The following MMS19 variants were observed in gnomAD, a reference collection of about 807,000 sequenced individuals.
MMS19 encodes the protein MMS19 cytosolic iron-sulfur assembly component.
A neutral mutation model predicts 129.8 loss-of-function variants in MMS19; 77 were observed. The ratio of observed to expected loss-of-function variants is 0.59; its 90% CI spans 0.49 to 0.72. The LOEUF is 0.72. Ranked by LOEUF, MMS19 falls within the 30% of genes least tolerant of loss-of-function variation. The probability of loss-of-function intolerance (pLI) is 0.00; values close to 1 mark genes in which losing one functional copy is unlikely to be tolerated. For missense variants in MMS19, 1,168 were observed against 1,266.3 expected (o/e 0.92, Z 1.18); for synonymous variants, 491 against 502.8 (o/e 0.98, Z 0.31).
chr10:97,470,244 T>G (rs2034405554), intron 9 of MMS19, 41 bp from the exon 10 acceptor site: 1 of 1,421,364 alleles, frequency 7.0e-7, no homozygotes, highest in South Asian at 1.2e-5. Context: ...AGATGGGTGG[T>G]GTGTCAGTCA....
intron 1 of MMS19, among the ~76,000 whole-genome samples, chr10:97,490,826 C>G (rs2038739450): frequency 6.6e-6 from 1 of 152,170 alleles, no homozygotes. Context: ...AGACATCAGG[C>G]ACTCTTAGCC....
intron 1 of MMS19, among the ~76,000 whole-genome samples, chr10:97,496,502 A>T (rs1406357782): frequency 7.8e-6 from 1 of 128,730 alleles, no homozygotes; most frequent in Non-Finnish European, 1.6e-5. Context: ...ACAGAGAGGG[A>T]CCTTGTCTCA....
Position 97,465,827 on chromosome 10 carries a change from C to T in MMS19, c.1734G>A (p.Gln578=). The T allele has an allele frequency of 1.2e-6, 2 of 1,613,460 alleles. No homozygotes were observed. Among genetic ancestry groups the T allele is most frequent in the Non-Finnish European group, 1.7e-6 (2 of 1,179,810 alleles). ...TACCTCTGTTCACTTGCCAGAGATG[C>T]TGCAGCAGCAGAGGCAGTGTCTCCT... The part of the protein sequence containing the change: ...IVKETLPLLL[Q]HLWQVNRGNM... The change falls in exon 18 of 31, where the codon CAG becomes CAA. Residue 578 remains glutamine, a synonymous_variant. Transcript: ENST00000438925.
rs781429653 is a variant in MMS19, at chr10:97,466,039, A to G, written c.1606+20T>C. 7 of 1,613,180 alleles carry G rather than the reference A, an allele frequency of 4.3e-6. No homozygotes were observed. The African/African-American group carries it at 6.7e-5, about 15-fold the overall frequency. The stretch of plus-strand genomic sequence containing the variant: ...GCCTTGCTGGAAAGGGATGGGCCAC[A>G]GAGGATTAGAGACACATACCTACAC... On this transcript the variant is annotated intron_variant, in intron 17 of 30. Coordinates refer to ENST00000438925, the MANE Select transcript of MMS19 (RefSeq NM_022362.5).
intron 2 of MMS19, among the ~76,000 whole-genome samples, chr10:97,482,119 TG>T (rs753072563): frequency 4.6e-5 from 7 of 152,086 alleles, no homozygotes; most frequent in Non-Finnish European, 1.0e-4. Flanking sequence ...GAGGCTGCAG[TG>T]GGCCATGATC....
chr10:97,487,975 G>A (rs2038205213), intron 1 of MMS19, among the ~76,000 whole-genome samples: 2 of 152,114 alleles, frequency 1.3e-5, no homozygotes, highest in Non-Finnish European at 1.5e-5. Flanking sequence ...GTAAATCCCA[G>A]CTACTCGGGA....
chr10:97,468,338 C>G lies in MMS19; in HGVS notation c.1132G>C (p.Ala378Pro). 1 of 1,613,020 alleles carries G rather than the reference C, an allele frequency of 6.2e-7. No homozygotes were observed. The highest frequency in any genetic ancestry group is 8.5e-7 in the Non-Finnish European group (1 of 1,179,358). ...CAGGCCCGGGCAGATGCACCTGCAG[C>G]TGCCTGCAACAGCTTGGCACTAGGC... ...VWPSAKLLQA[A>P]AGASARACDS... The change falls in exon 13 of 31, where the codon GCT becomes CCT. Residue 378 changes from alanine to proline, a missense_variant. Physicochemically the swap from Ala to Pro is conservative, Grantham distance 27. Coordinates refer to ENST00000438925, the MANE Select transcript of MMS19 (RefSeq NM_022362.5).
chr10:97,480,894 C>G lies in MMS19; in HGVS notation c.262+48G>C, dbSNP rs29001278. ...AGTTGGCTTGAATAGACATGGGAGA[C>G]CTGGGCTCAGCAATCCAGGAAGACA... On this transcript the variant is annotated intron_variant, in intron 3 of 30. Transcript: ENST00000438925. The G allele has an allele frequency of 2.9e-3, 3,957 of 1,363,260 alleles. 153 individuals carry two copies. The Admixed American group carries it at 0.062, about 21-fold the overall frequency. The allele number at this position is 1,363,260 out of a possible 1,614,324, so 84.4% of individuals were successfully genotyped here.
In MMS19 at chr10:97,463,898, T is replaced by TGGAAAGCAGTCTGGTGG. The variant is rs1298850661; in HGVS notation, c.1871_1872insCCACCAGACTGCTTTCC (p.Pro625HisfsTer26). On this transcript the variant is annotated frameshift_variant, in exon 19 of 31. Coordinates refer to ENST00000438925, the MANE Select transcript of MMS19 (RefSeq NM_022362.5). LOFTEE classifies it high-confidence loss of function. Reference sequence around the variant, plus strand: ...GCACAGCCAAGGCAAGCAGGCAAGGTATAGCTGTCTGGTGGAAATACCAGC... The same window carrying TGGAAAGCAGTCTGGTGG: ...GCACAGCCAAGGCAAGCAGGCAAGGTGGAAAGCAGTCTGGTGGATAGCTGTCTGGTGGAAATACCAGC... 6.2e-7 allele frequency: 1 copy of TGGAAAGCAGTCTGGTGG among 1,612,412 alleles called. No individual in the cohort carries two copies. Among genetic ancestry groups the TGGAAAGCAGTCTGGTGG allele is most frequent in the East Asian group, 2.2e-5 (1 of 44,840 alleles).
In MMS19 at chr10:97,459,404, G is replaced by C; in HGVS notation, c.2862C>G (p.Thr954=). The change falls in exon 28 of 31, where the codon ACC becomes ACG. Residue 954 remains threonine, a synonymous_variant. Transcript: ENST00000438925. ...APQVMSLHVD[T]LVTKFLNLSS... is the part of the protein sequence containing the mutation. ...TGAGGTTCAGAAACTTGGTGACGAG[G>C]GTGTCCACGTGAAGACTCATGACTT... The C allele has an allele frequency of 6.2e-7, 1 of 1,606,086 alleles. No homozygotes were observed. Among genetic ancestry groups the C allele is most frequent in the Non-Finnish European group, 8.5e-7 (1 of 1,176,300 alleles).
intron 3 of MMS19, chr10:97,480,421 C>G (rs1250311438): frequency 7.2e-6 from 3 of 419,268 alleles, no homozygotes; most frequent in Non-Finnish European, 1.4e-5. Context: ...CCTACCCCTG[C>G]TATACAAGAT....
At position 97,498,396 on chromosome 10, in the gene MMS19, G is replaced by A; in HGVS notation, c.-12C>T. The A allele has an allele frequency of 6.3e-7, 1 of 1,578,682 alleles. No homozygotes were observed. The highest frequency in any genetic ancestry group is 8.5e-7 in the Non-Finnish European group (1 of 1,170,472). On this transcript the variant is annotated 5_prime_UTR_variant, in exon 1 of 31. Transcript: ENST00000438925. ...GCGGCAGCGGCCATAACGCGAACTA[G>A]AGACCGTGGGAGGGGATATGGGCGG...
At chr10:97,463,410 T>C (rs1003447075) in intron 19 of MMS19, among the ~76,000 whole-genome samples, 1 of 152,230 alleles carries the variant, frequency 6.6e-6, no homozygotes, top group African/African-American at 2.4e-5. Flanking sequence ...CCTCCCATCT[T>C]GGCCTCCTGA....
At chr10:97,480,084 G>A (rs953829228) in intron 3 of MMS19, among the ~76,000 whole-genome samples, 2 of 152,164 alleles carry the variant, frequency 1.3e-5, no homozygotes, top group Non-Finnish European at 2.9e-5. Flanking sequence ...ATCCCCACAT[G>A]TGTAGAATAT....
chr10:97,460,372 A>T (rs1002008034), intron 25 of MMS19, 140 bp from the exon 26 acceptor site: 6 of 755,820 alleles, frequency 7.9e-6, no homozygotes, highest in Admixed American at 2.9e-5. Context: ...GCTTGAGTCT[A>T]GGAGTCTGGG....
In MMS19 at chr10:97,465,835, G is replaced by A. The variant is rs1468663831; in HGVS notation, c.1726C>T (p.Leu576=). The change falls in exon 18 of 31, where the codon CTG becomes TTG. Residue 576 remains leucine (L), a synonymous_variant. Transcript: ENST00000438925. ...TTCACTTGCCAGAGATGCTGCAGCA[G>A]CAGAGGCAGTGTCTCCTTGACGATG... ...PSIVKETLPL[L]LQHLWQVNRG... 1.9e-6 allele frequency: 3 copies of A among 1,613,698 alleles called. No homozygotes were observed. The highest frequency in any genetic ancestry group is 2.2e-5 in the South Asian group (2 of 91,082).
In MMS19 at chr10:97,483,312, T is replaced by C. The variant is rs554370089; in HGVS notation, c.161+791A>G. Reference sequence around the variant, plus strand: ...CAGGCAATCCACCTTCTTCGGCCTCTCAAAGTGCTGGGATCACAGGTATGA... The same window carrying C: ...CAGGCAATCCACCTTCTTCGGCCTCCCAAAGTGCTGGGATCACAGGTATGA... On this transcript the variant is annotated intron_variant, in intron 2 of 30. Transcript: ENST00000438925. Among the ~76,000 whole-genome samples the C allele has an allele frequency of 5.3e-5, 8 of 152,152 alleles. No individual in the cohort carries two copies. The South Asian group carries it at 1.5e-3, about 28-fold the overall frequency.
intron 2 of MMS19, among the ~76,000 whole-genome samples, chr10:97,482,754 A>ACG (rs1466788887): frequency 6.7e-6 from 1 of 150,048 alleles, no homozygotes. Context: ...ACACACACAC[A>ACG]CACACACACA....
rs569904566 is a variant in MMS19 at position 97,480,831 on chromosome 10, G to C, written c.262+111C>G. On this transcript the variant is annotated intron_variant, in intron 3 of 30. Coordinates refer to ENST00000438925, the MANE Select transcript of MMS19 (RefSeq NM_022362.5). ...GAGGAATGAAGACCTTGAATTAGTAGTTCATAGATACTTTAAGCCCTCCCT... is the reference window on the plus strand; with the variant it reads ...GAGGAATGAAGACCTTGAATTAGTACTTCATAGATACTTTAAGCCCTCCCT... The C allele has an allele frequency of 5.2e-5, 38 of 734,150 alleles. No homozygotes were observed. The Admixed American group carries it at 7.6e-4, about 15-fold the overall frequency. The allele number at this position is 734,150 out of a possible 1,614,324, so 45.5% of individuals were successfully genotyped here. A position where few individuals can be genotyped will look rare whatever the true frequency, so the allele number is the denominator to read the frequency against.
Sources: gnomAD v4.1 joint callset for allele counts (sites outside exome capture counted in the v4.1 genomes callset) on GRCh38, gnomAD v4.1.1 for gene constraint, MANE v1.5 for transcripts, NCBI Gene and HGNC (gene_info 2026-07-23, HGNC 2026-07-21) for gene names.